TCHP: variants seen among roughly 807,000 people sequenced by gnomAD.
The protein encoded by TCHP is trichoplein keratin filament binding.
Under a neutral mutation model 88.7 loss-of-function variants are expected in TCHP, and 81 were observed. That is an observed-to-expected ratio of 0.91 (90% confidence interval 0.76 to 1.10). TCHP has a LOEUF of 1.10. Ranked by LOEUF, TCHP falls within the 50% of genes least tolerant of loss-of-function variation. The probability of loss-of-function intolerance (pLI) is 0.00; values close to 1 mark genes in which losing one functional copy is unlikely to be tolerated. For synonymous variants in TCHP, 232 were observed against 232.5 expected, an observed-to-expected ratio of 1.00 and a Z score of 0.02; for missense variants, 641 against 632.1, an observed-to-expected ratio of 1.01 and a Z score of -0.15.
the TCHP span, among the ~76,000 whole-genome samples, chr12:109,883,372 G>T: frequency 6.6e-6 from 1 of 152,128 alleles, no homozygotes; most frequent in Non-Finnish European, 1.5e-5. Flanking sequence ...GGTGAGAGAA[G>T]AGGTTGTTTC....
Position 109,914,533 on chromosome 12 carries a change from T to G in TCHP, c.1226T>G (p.Ile409Ser), listed in dbSNP as rs1484421192. 8 of 1,614,124 alleles carry G rather than the reference T, an allele frequency of 5.0e-6. No homozygotes were observed. Among genetic ancestry groups the G allele is most frequent in the Non-Finnish European group, 6.8e-6 (8 of 1,180,028 alleles). The change falls in exon 11 of 13, where the codon ATT becomes AGT. Residue 409 changes from isoleucine to serine, a missense_variant. Ile to Ser is a moderately radical substitution (Grantham distance 142, BLOSUM62 -2). Transcript: ENST00000405876. ...TCCCTGAAACACAGGGAGCAACTTA[T>G]TCGAAATCTTGAGGAGGTGAGAGAG... is the stretch of plus-strand genomic sequence containing the variant. Reference protein sequence around the residue: ...EESLKHREQLIRNLEEVRELA... With the variant: ...EESLKHREQLSRNLEEVRELA...
chr12:109,887,030 G>A, the TCHP span, among the ~76,000 whole-genome samples: 2 of 152,116 alleles, frequency 1.3e-5, no homozygotes, highest in African/African-American at 4.8e-5. Context: ...TGTTATCGGG[G>A]TGTCCCTTCT....
the TCHP span, among the ~76,000 whole-genome samples, chr12:109,883,227 T>A: frequency 6.9e-6 from 1 of 144,854 alleles, no homozygotes; most frequent in Non-Finnish European, 1.5e-5. Context: ...GTAAAGATGG[T>A]GTCTTGCTAT....
chr12:109,899,109 G>A (rs1403555167), upstream of TCHP, among the ~76,000 whole-genome samples: 4 of 152,156 alleles, frequency 2.6e-5, no homozygotes, highest in African/African-American at 7.2e-5. Flanking sequence ...GTAAGCCACT[G>A]AACCCAGCTG....
At chr12:109,908,992 C>T in intron 8 of TCHP, 55 bp downstream of exon 8, 1 of 1,512,024 alleles carries the variant, frequency 6.6e-7, no homozygotes, top group Non-Finnish European at 9.2e-7. Context: ...TAAAAAAGGC[C>T]TTCCATTGCT....
At chr12:109,888,659 A>G in the TCHP span, among the ~76,000 whole-genome samples, 1 of 152,180 alleles carries the variant, frequency 6.6e-6, no homozygotes, top group Non-Finnish European at 1.5e-5. Flanking sequence ...CACCTTCTTT[A>G]TTGCAGCATA....
At chr12:109,911,636 AGAAG>A (rs1870502860) in intron 9 of TCHP, among the ~76,000 whole-genome samples, 1 of 150,938 alleles carries the variant, frequency 6.6e-6, no homozygotes, top group Admixed American at 6.6e-5. Flanking sequence ...AAAAAAAAGA[AGAAG>A]AAGAGATAGC....
chr12:109,886,945 G>A, the TCHP span, among the ~76,000 whole-genome samples: 12 of 152,158 alleles, frequency 7.9e-5, no homozygotes, highest in South Asian at 2.3e-3. Flanking sequence ...CTGACCTCGT[G>A]CTCCACCAGC....
the TCHP span, among the ~76,000 whole-genome samples, chr12:109,882,442 A>G: frequency 6.6e-6 from 1 of 151,254 alleles, no homozygotes; most frequent in African/African-American, 2.4e-5. Flanking sequence ...AAAAAAAAAA[A>G]AAAAAGACTT....
intron 9 of TCHP, among the ~76,000 whole-genome samples, chr12:109,912,262 T>C (rs1321217474): frequency 6.6e-6 from 1 of 152,216 alleles, no homozygotes; most frequent in Non-Finnish European, 1.5e-5. Flanking sequence ...CTCATCTTAC[T>C]GAGTCCTGAC....
the TCHP span, among the ~76,000 whole-genome samples, chr12:109,883,261 C>T: frequency 2.0e-5 from 3 of 150,650 alleles, no homozygotes; most frequent in Admixed American, 6.6e-5. Context: ...CTTTTAAACC[C>T]GTGGGCTCAA....
chr12:109,893,796 G>A, the TCHP span, among the ~76,000 whole-genome samples: 2 of 152,180 alleles, frequency 1.3e-5, no homozygotes, highest in African/African-American at 2.4e-5. Flanking sequence ...AGAGAGCAGC[G>A]AGCAGGGTTT....
intron 10 of TCHP, chr12:109,914,098 G>C (rs1315474056): frequency 6.1e-6 from 1 of 162,734 alleles, no homozygotes; most frequent in Non-Finnish European, 1.3e-5. Flanking sequence ...CCCGCTGATA[G>C]GAAGGAGACT....
the TCHP span, among the ~76,000 whole-genome samples, chr12:109,893,268 A>G: frequency 6.6e-6 from 1 of 151,934 alleles, no homozygotes; most frequent in Non-Finnish European, 1.5e-5. Context: ...AATCCCAGCT[A>G]CTCAGGAGAC....
the TCHP span, among the ~76,000 whole-genome samples, chr12:109,890,511 AT>A: frequency 3.0e-3 from 408 of 137,258 alleles, no homozygotes; most frequent in Middle Eastern, 3.9e-3. Context: ...TCTTTTTTCT[AT>A]TTTTTTTTTT....
chr12:109,899,563 G>C (rs1290716121), upstream of TCHP, among the ~76,000 whole-genome samples: 4 of 152,110 alleles, frequency 2.6e-5, no homozygotes. Flanking sequence ...GCTTGAACCC[G>C]TAAGGCGGAG....
chr12:109,882,726 CG>C, the TCHP span, among the ~76,000 whole-genome samples: 18 of 141,708 alleles, frequency 1.3e-4, no homozygotes, highest in African/African-American at 4.0e-4. Context: ...GGTGCAATCT[CG>C]GCTCACTGCA....
intron 1 of TCHP, among the ~76,000 whole-genome samples, chr12:109,902,389 G>A (rs903597323): frequency 2.0e-5 from 3 of 151,846 alleles, no homozygotes; most frequent in African/African-American, 4.9e-5. Context: ...TCCAACTCCC[G>A]GCCTCAAGTG....
Position 109,917,276 on chromosome 12 carries a change from G to A in TCHP, c.*653G>A, listed in dbSNP as rs1367631679. On this transcript the variant is annotated 3_prime_UTR_variant, in exon 13 of 13. Transcript: ENST00000405876. ...TTTGGTAGAATTTCCATAGAGCATT[G>A]TCTGTGAGTGACTGATCCCAACATG... 6.6e-6 allele frequency: 1 copy of A among 152,212 alleles called. No homozygotes were observed. The allele number at this position is 152,212 out of a possible 1,614,324, so 9.4% of individuals were successfully genotyped here.
Sources: gnomAD v4.1 joint callset for allele counts (sites outside exome capture counted in the v4.1 genomes callset) on GRCh38, gnomAD v4.1.1 for gene constraint, MANE v1.5 for transcripts, NCBI Gene and HGNC (gene_info 2026-07-23, HGNC 2026-07-21) for gene names.